Variants in GLIS3 observed in about 807,000 individuals in gnomAD.
GLIS3 encodes the protein GLIS family zinc finger 3.
In GLIS3, 53 loss-of-function variants were observed where a neutral mutation model predicts 78.6. The observed-to-expected ratio is 0.67, with a 90% CI of 0.54 to 0.85. GLIS3 has a LOEUF of 0.85. GLIS3 is among the 40% of genes least tolerant of loss of function. The pLI is 0.00. For missense variants in GLIS3, 1,703 were observed against 1,231.1 expected (o/e 1.38, Z -5.74); for synonymous variants, 684 against 509.9 (o/e 1.34, Z -4.60).
chr9:4,168,167 T>G (rs1366051717), intron 2 of GLIS3, among the ~76,000 whole-genome samples: 2 of 151,670 alleles, frequency 1.3e-5, no homozygotes, highest in Non-Finnish European at 2.9e-5. Flanking sequence ...TTCTCTCTCT[T>G]CTCTCTCTCT....
At chr9:4,002,668 G>A (rs559556384) in intron 4 of GLIS3, among the ~76,000 whole-genome samples, 2 of 152,226 alleles carry the variant, frequency 1.3e-5, no homozygotes, top group Non-Finnish European at 2.9e-5. Flanking sequence ...TTCTGCAGTG[G>A]CTGGAAAGGC....
At chr9:4,281,080 G>A (rs191673762) in intron 2 of GLIS3, among the ~76,000 whole-genome samples, 3 of 152,160 alleles carry the variant, frequency 2.0e-5, no homozygotes, top group Admixed American at 6.5e-5. Context: ...CAGCTTATTA[G>A]TCGTTTGAAA....
At chr9:4,344,181 G>C (rs549372226) in intron 2 of GLIS3, among the ~76,000 whole-genome samples, 53 of 152,044 alleles carry the variant, frequency 3.5e-4, no homozygotes, top group Non-Finnish European at 5.3e-4. Context: ...CCCCTTTACA[G>C]CAAGTCTCCC....
chr9:3,858,811 T>C (rs1819966004), intron 8 of GLIS3, among the ~76,000 whole-genome samples: 1 of 152,164 alleles, frequency 6.6e-6, no homozygotes, highest in South Asian at 2.1e-4. Flanking sequence ...AGGAAGTAGA[T>C]AGGAAGCCAC....
At chr9:4,053,286 G>C (rs1313749688) in intron 4 of GLIS3, among the ~76,000 whole-genome samples, 3 of 152,118 alleles carry the variant, frequency 2.0e-5, no homozygotes, top group Non-Finnish European at 4.4e-5. Flanking sequence ...ACTAGCATGA[G>C]GGGCCATTGT....
At chr9:3,840,912 G>A (rs962727705) in intron 9 of GLIS3, among the ~76,000 whole-genome samples, 1 of 152,166 alleles carries the variant, frequency 6.6e-6, no homozygotes, top group Admixed American at 6.5e-5. Context: ...TTATCACTGT[G>A]AACCACATTT....
At chr9:4,415,475 G>C in the GLIS3 span, among the ~76,000 whole-genome samples, 1 of 152,186 alleles carries the variant, frequency 6.6e-6, no homozygotes, top group Non-Finnish European at 1.5e-5. Flanking sequence ...TTAGTCACCA[G>C]ACACTACAGA....
intron 1 of GLIS3, among the ~76,000 whole-genome samples, chr9:4,299,064 G>A (rs991364238): frequency 1.3e-5 from 2 of 152,100 alleles, no homozygotes; most frequent in Non-Finnish European, 2.9e-5. Context: ...CCCTGATTGT[G>A]TACCCCTCTG....
At chr9:3,951,359 T>C (rs766950164) in intron 4 of GLIS3, among the ~76,000 whole-genome samples, 2 of 152,010 alleles carry the variant, frequency 1.3e-5, no homozygotes, top group African/African-American at 2.4e-5. Flanking sequence ...CACTTCTTTT[T>C]CTTCTGAAGA....
intron 2 of GLIS3, among the ~76,000 whole-genome samples, chr9:4,324,801 T>G (rs945982718): frequency 6.6e-6 from 1 of 152,216 alleles, no homozygotes; most frequent in African/African-American, 2.4e-5. Flanking sequence ...TGGCTCTGAG[T>G]GACTTGTTTC....
intron 4 of GLIS3, among the ~76,000 whole-genome samples, chr9:4,062,167 G>A (rs1826707918): frequency 6.6e-6 from 1 of 152,198 alleles, no homozygotes; most frequent in South Asian, 2.1e-4. Flanking sequence ...TGACGCAAAG[G>A]AGCTCAACAA....
chr9:4,027,561 T>C (rs1823450023), intron 4 of GLIS3, among the ~76,000 whole-genome samples: 1 of 152,230 alleles, frequency 6.6e-6, no homozygotes, highest in African/African-American at 2.4e-5. Context: ...CATGCCAGAA[T>C]ATTCTAATTT....
chr9:3,884,984 C>T (rs1821977756), intron 7 of GLIS3, among the ~76,000 whole-genome samples: 1 of 152,176 alleles, frequency 6.6e-6, no homozygotes, highest in African/African-American at 2.4e-5. Context: ...GCAGCTGTAG[C>T]CATCAAACTG....
the GLIS3 span, among the ~76,000 whole-genome samples, chr9:4,469,944 G>A: frequency 7.2e-5 from 11 of 152,036 alleles, no homozygotes; most frequent in Non-Finnish European, 1.2e-4. Flanking sequence ...AAATGATAAA[G>A]GGGATATCAC....
chr9:4,166,636 C>T (rs2131108413), intron 2 of GLIS3, among the ~76,000 whole-genome samples: 1 of 152,226 alleles, frequency 6.6e-6, no homozygotes, highest in Non-Finnish European at 1.5e-5. Flanking sequence ...TCCCAAGTGG[C>T]CACTAACGTC....
chr9:4,015,994 G>T (rs1479470762), intron 4 of GLIS3, among the ~76,000 whole-genome samples: 1 of 149,974 alleles, frequency 6.7e-6, no homozygotes, highest in East Asian at 2.0e-4. Flanking sequence ...CTAATAAATT[G>T]TCTCAATTAT....
At chr9:4,422,980 A>G in the GLIS3 span, among the ~76,000 whole-genome samples, 1 of 152,204 alleles carries the variant, frequency 6.6e-6, no homozygotes, top group African/African-American at 2.4e-5. Context: ...AGCACATCAC[A>G]GGAGTCAAAA....
At position 4,129,741 on chromosome 9, in the gene GLIS3, G is replaced by A. The variant is rs559103847; in HGVS notation, c.389-3800C>T. ...CGGGTATTTCTTTATAGCAATGCGAGAACAGACTAATACCAAGGAGTGGGG... is the reference window on the plus strand; with the variant it reads ...CGGGTATTTCTTTATAGCAATGCGAAAACAGACTAATACCAAGGAGTGGGG... On this transcript the variant is annotated intron_variant, in intron 2 of 10. Transcript: ENST00000381971. Among the ~76,000 whole-genome samples, 28 of 152,266 alleles carry A rather than the reference G, an allele frequency of 1.8e-4. 1 individual carries two copies. In the East Asian group the frequency reaches 4.8e-3, roughly 26 times the overall value.
intron 6 of GLIS3, among the ~76,000 whole-genome samples, chr9:3,909,174 A>T (rs746855566): frequency 6.6e-6 from 1 of 152,248 alleles, no homozygotes; most frequent in Non-Finnish European, 1.5e-5. Context: ...GAACATTCTC[A>T]TCAAGTGTTC....
Sources: allele counts gnomAD v4.1 joint callset (sites outside exome capture counted in the v4.1 genomes callset), GRCh38; gene constraint gnomAD v4.1.1; transcripts MANE v1.5; gene names NCBI Gene and HGNC (gene_info 2026-07-23, HGNC 2026-07-21).